The following SLC22A23 variants were observed in gnomAD, a reference collection of about 807,000 sequenced individuals.
The protein encoded by SLC22A23 is ion transporter protein.
SLC22A23 carries 26 observed loss-of-function variants against 61.0 expected under a neutral mutation model. The ratio of observed to expected loss-of-function variants is 0.43; its 90% CI spans 0.31 to 0.59. SLC22A23 has a LOEUF of 0.59. Ranked by LOEUF, SLC22A23 falls within the 20% of genes least tolerant of loss-of-function variation. The pLI is 0.11. For synonymous variants in SLC22A23, 430 were observed against 413.9 expected, an observed-to-expected ratio of 1.04 and a Z score of -0.47; for missense variants, 796 against 934.7, an observed-to-expected ratio of 0.85 and a Z score of 1.94.
chr6:3,377,075 A>G (rs1324888960), intron 3 of SLC22A23, among the ~76,000 whole-genome samples: 2 of 152,202 alleles, frequency 1.3e-5, no homozygotes, highest in Non-Finnish European at 2.9e-5. Flanking sequence ...GGCAAACTGC[A>G]GCCTGCGGGA....
rs1220564183 is a variant in SLC22A23 at position 3,328,246 on chromosome 6, GT to G, written c.914-4245del. Among the ~76,000 whole-genome samples the G allele has an allele frequency of 1.3e-5, 2 of 151,954 alleles. No individual in the cohort carries two copies. Among genetic ancestry groups the G allele is most frequent in the African/African-American group, 4.8e-5 (2 of 41,406 alleles). On this transcript the variant is annotated intron_variant, in intron 3 of 9. Transcript: ENST00000406686. The surrounding 1 kb of genome is among the most constrained non-coding windows in gnomAD (Gnocchi z 5.0). ...TAGCTGAGACTGAACTGAGGCATTTGTTTAGTGAATCAACAGGGACCATGAC... is the reference window on the plus strand; with the variant it reads ...TAGCTGAGACTGAACTGAGGCATTTGTTAGTGAATCAACAGGGACCATGAC...
Position 3,285,123 on chromosome 6 carries a change from G to A in SLC22A23, c.1547-12C>T. ...GTACTTTCCAATCACTGGACCCGCA[G>A]ACATGATCGCACCCACACGGACAAG... On this transcript the variant is annotated splice_polypyrimidine_tract_variant and intron_variant, in intron 7 of 9. Transcript: ENST00000406686. 6.2e-7 allele frequency: 1 copy of A among 1,613,404 alleles called. No individual in the cohort carries two copies. The highest frequency in any genetic ancestry group is 8.5e-7 in the Non-Finnish European group (1 of 1,179,666).
chr6:3,282,280 A>G, intron 9 of SLC22A23: 1 of 702,630 alleles, frequency 1.4e-6, no homozygotes, highest in South Asian at 1.5e-5. Flanking sequence ...CTGCAACTGC[A>G]AGCACTAAAT....
At chr6:3,339,565 A>G (rs183616034) in intron 3 of SLC22A23, among the ~76,000 whole-genome samples, 1 of 152,346 alleles carries the variant, frequency 6.6e-6, no homozygotes, top group Admixed American at 6.5e-5. Context: ...CACAAAAGGC[A>G]GGTCATAAAG....
At chr6:3,442,953 C>G (rs757317184) in intron 1 of SLC22A23, among the ~76,000 whole-genome samples, 7 of 152,206 alleles carry the variant, frequency 4.6e-5, no homozygotes, top group Admixed American at 1.3e-4. Context: ...GAGAGAGCGG[C>G]ATTTTCAAAT....
At chr6:3,439,513 A>G (rs992460037) in intron 1 of SLC22A23, 1 of 230,822 alleles carries the variant, frequency 4.3e-6, no homozygotes, top group Non-Finnish European at 8.9e-6. Context: ...GCCCAGTATG[A>G]TCCACCCAAG....
At chr6:3,435,230 C>T (rs1222086441) in intron 1 of SLC22A23, among the ~76,000 whole-genome samples, 2 of 152,132 alleles carry the variant, frequency 1.3e-5, no homozygotes, top group Non-Finnish European at 2.9e-5. Context: ...GATTCAGCCA[C>T]GGCATCTGTA....
chr6:3,444,529 A>G (rs1469087331), intron 1 of SLC22A23, among the ~76,000 whole-genome samples: 1 of 152,166 alleles, frequency 6.6e-6, no homozygotes, highest in Non-Finnish European at 1.5e-5. Flanking sequence ...TTTCAAACAC[A>G]TGCAGCTCAT....
chr6:3,310,040 A>C (rs565051024), intron 4 of SLC22A23, among the ~76,000 whole-genome samples: 10 of 152,364 alleles, frequency 6.6e-5, no homozygotes, highest in African/African-American at 2.4e-4. Context: ...TTAGCTAGGC[A>C]GAAGAGCTGG....
Position 3,329,226 on chromosome 6 carries a change from T to C in SLC22A23, c.914-5224A>G, listed in dbSNP as rs1200500882. Among the ~76,000 whole-genome samples the C allele has an allele frequency of 6.6e-6, 1 of 150,524 alleles. No individual in the cohort carries two copies. Among genetic ancestry groups the C allele is most frequent in the African/African-American group, 2.5e-5 (1 of 40,440 alleles). On this transcript the variant is annotated intron_variant, in intron 3 of 9. Coordinates refer to ENST00000406686, the MANE Select transcript of SLC22A23 (RefSeq NM_015482.2). The surrounding 1 kb of genome is among the most constrained non-coding windows in gnomAD (Gnocchi z 4.8). ...GTTCATTGGATTCAGTGATTATAAA[T>C]AAAATTTTAAAAACCTTTTGAAGCC...
At chr6:3,300,833 C>T (rs569728542) in intron 4 of SLC22A23, among the ~76,000 whole-genome samples, 2 of 152,306 alleles carry the variant, frequency 1.3e-5, no homozygotes, top group South Asian at 4.1e-4. Context: ...ATGGTCTGAT[C>T]TGAATGATAA....
chr6:3,411,029 A>G lies in SLC22A23; in HGVS notation c.759-687T>C, dbSNP rs373055739. Among the ~76,000 whole-genome samples, 285 of 152,308 alleles carry G rather than the reference A, an allele frequency of 1.9e-3. 1 individual carries two copies. The highest frequency in any genetic ancestry group is 3.4e-3 in the Middle Eastern group (1 of 294). ...GTGATGATTCTCTGGAAACGGCCAC[A>G]GATACCCTCAATTCGTGGGTTCTGG... On this transcript the variant is annotated intron_variant, in intron 2 of 9. Transcript: ENST00000406686.
Position 3,269,732 on chromosome 6 carries a change from G to A in SLC22A23, c.*3323C>T, listed in dbSNP as rs1365066343. 4 of 152,848 alleles carry A rather than the reference G, an allele frequency of 2.6e-5. No individual in the cohort carries two copies. Among genetic ancestry groups the A allele is most frequent in the Admixed American group, 6.5e-5 (1 of 15,288 alleles). The allele number at this position is 152,848 out of a possible 1,614,324, so 9.5% of individuals were successfully genotyped here. ...TCCAAAACACACGGGACATGAAAGC[G>A]AGGTGGTGCCTTCTAGACGAGAGGA... is the stretch of plus-strand genomic sequence containing the variant. On this transcript the variant is annotated 3_prime_UTR_variant, in exon 10 of 10. Coordinates refer to ENST00000406686, the MANE Select transcript of SLC22A23 (RefSeq NM_015482.2).
chr6:3,409,251 T>G (rs1230144822), intron 3 of SLC22A23, among the ~76,000 whole-genome samples: 1 of 152,232 alleles, frequency 6.6e-6, no homozygotes, highest in African/African-American at 2.4e-5. Flanking sequence ...TCTAGAAGAA[T>G]ATACCGGTAG....
At chr6:3,434,608 C>CA (rs67335880) in intron 1 of SLC22A23, among the ~76,000 whole-genome samples, 3,295 of 141,532 alleles carry the variant, frequency 0.023, 96 homozygotes, top group African/African-American at 0.071. Context: ...GACTCCATCT[C>CA]AAAAAAAAAA....
intron 3 of SLC22A23, among the ~76,000 whole-genome samples, chr6:3,383,796 G>T (rs373937529): frequency 6.6e-6 from 1 of 152,258 alleles, no homozygotes; most frequent in East Asian, 1.9e-4. Context: ...GGCGGGCGAC[G>T]GGGCTGAGAG....
chr6:3,280,666 T>G (rs1759384962), intron 9 of SLC22A23, among the ~76,000 whole-genome samples: 1 of 151,746 alleles, frequency 6.6e-6, no homozygotes. Flanking sequence ...CGGCTAATTT[T>G]TTTTGTATTT....
At position 3,331,586 on chromosome 6, in the gene SLC22A23, C is replaced by T. The variant is rs1763585604; in HGVS notation, c.914-7584G>A. On this transcript the variant is annotated intron_variant, in intron 3 of 9. Coordinates refer to ENST00000406686, the MANE Select transcript of SLC22A23 (RefSeq NM_015482.2). ...ATCAACCATAAAACCAAACATGAGCCACAGAGTTCAGTTTCTTTTCAGATT... is the reference window on the plus strand; with the variant it reads ...ATCAACCATAAAACCAAACATGAGCTACAGAGTTCAGTTTCTTTTCAGATT... Among the ~76,000 whole-genome samples the T allele has an allele frequency of 2.0e-5, 3 of 152,152 alleles. No homozygotes were observed. In the South Asian group the frequency reaches 6.2e-4, roughly 32 times the overall value.
In SLC22A23 at chr6:3,334,497, CT is replaced by C. The variant is rs1186433062; in HGVS notation, c.914-10496del. Among the ~76,000 whole-genome samples the C allele has an allele frequency of 7.5e-3, 1,103 of 146,942 alleles. 13 individuals carry two copies. The highest frequency in any genetic ancestry group is 0.024 in the African/African-American group (990 of 40,600). On this transcript the variant is annotated intron_variant, in intron 3 of 9. Transcript: ENST00000406686. ...TTTTTAACCAACAGCAGGCATGTGA[CT>C]TTTTTTTTTTTCAATGAAAAAAAAG... is the stretch of plus-strand genomic sequence containing the variant.
Sources: gnomAD v4.1 joint callset for allele counts (sites outside exome capture counted in the v4.1 genomes callset) on GRCh38, gnomAD v4.1.1 for gene constraint, Gnocchi (gnomAD v3.1) non-coding constraint, MANE v1.5 for transcripts, NCBI Gene and HGNC (gene_info 2026-07-23, HGNC 2026-07-21) for gene names.